Variants in PITPNC1 observed in about 807,000 individuals in gnomAD.
PITPNC1 encodes phosphatidylinositol transfer protein cytoplasmic 1, also known as cytoplasmic phosphatidylinositol transfer protein 1.
PITPNC1 carries 18 observed loss-of-function variants against 44.7 expected under a neutral mutation model. The ratio of observed to expected loss-of-function variants is 0.40; its 90% CI spans 0.28 to 0.60. The LOEUF (loss-of-function observed/expected upper bound fraction) is 0.60. Ranked by LOEUF, PITPNC1 falls within the 20% of genes least tolerant of loss-of-function variation. The pLI, the probability that PITPNC1 is intolerant of heterozygous loss-of-function variation, is 0.39. For missense variants in PITPNC1, 290 were observed against 418.4 expected, an observed-to-expected ratio of 0.69 and a Z score of 2.68; for synonymous variants, 141 against 149.6, an observed-to-expected ratio of 0.94 and a Z score of 0.42.
In PITPNC1 at chr17:67,552,250, C is replaced by T. The variant is rs551404991; in HGVS notation, c.198-7C>T. The T allele has an allele frequency of 3.2e-5, 48 of 1,506,846 alleles. 1 individual carries two copies. The South Asian group carries it at 5.1e-4, about 16-fold the overall frequency. The allele number at this position is 1,506,846 out of a possible 1,614,324, so 93.3% of individuals were successfully genotyped here. The stretch of plus-strand genomic sequence containing the variant: ...TCCAATTGTCTTTTTTCTTTCTTTC[C>T]TCTTAGCAAACTGCCTAGTTGGGCT... On this transcript the variant is annotated splice_region_variant and splice_polypyrimidine_tract_variant and intron_variant, in intron 2 of 8. Transcript: ENST00000581322.
chr17:67,575,795 C>T lies in PITPNC1; in HGVS notation c.295-2391C>T, dbSNP rs7210229. ...TTTCTTTCTTTCTTTTCTTTCTTTC[C>T]TTCTTTCTTTCTTTCTTTCTTTCTT... On this transcript the variant is annotated intron_variant, in intron 4 of 8. Transcript: ENST00000581322. Among the ~76,000 whole-genome samples the T allele has an allele frequency of 2.3e-3, 306 of 130,952 alleles. 3 individuals are homozygous for T. The highest frequency in any genetic ancestry group is 8.4e-3 in the African/African-American group (261 of 30,898). 85.9% of individuals were successfully genotyped at this position (130,952 alleles called of 152,430 possible).
intron 1 of PITPNC1, among the ~76,000 whole-genome samples, chr17:67,516,228 C>A (rs1305373585): frequency 6.6e-6 from 1 of 152,228 alleles, no homozygotes; most frequent in African/African-American, 2.4e-5. Flanking sequence ...GTGACATTTT[C>A]ATCCACCTAG....
chr17:67,487,301 A>G (rs535809898), intron 1 of PITPNC1, among the ~76,000 whole-genome samples: 2 of 151,864 alleles, frequency 1.3e-5, no homozygotes, highest in African/African-American at 4.8e-5. Context: ...CAGCCTCCTG[A>G]TTAGCTGGGA....
intron 1 of PITPNC1, among the ~76,000 whole-genome samples, chr17:67,430,517 G>A (rs1281115323): frequency 6.6e-6 from 1 of 151,842 alleles, no homozygotes; most frequent in Non-Finnish European, 1.5e-5. Context: ...AACTTAGAAT[G>A]TTGGCCAGTG....
intron 5 of PITPNC1, among the ~76,000 whole-genome samples, chr17:67,601,393 T>C (rs2041537881): frequency 6.6e-6 from 1 of 152,136 alleles, no homozygotes; most frequent in Admixed American, 6.6e-5. Context: ...TACAATGTTA[T>C]ACATTAACTT....
In PITPNC1 at chr17:67,377,820, G is replaced by T. The variant is rs903494266; in HGVS notation, c.-335G>T. On this transcript the variant is annotated 5_prime_UTR_variant, in exon 1 of 9. It removes the in-frame stop codon of an upstream open reading frame in the 5' UTR. Coordinates refer to ENST00000581322, the MANE Select transcript of PITPNC1 (RefSeq NM_012417.4). ...CCTCGCTCGCTGCCGGGCATGTCCTGATCTGGCGGCCGCTCCTACCACCCT... is the reference window on the plus strand; with the variant it reads ...CCTCGCTCGCTGCCGGGCATGTCCTTATCTGGCGGCCGCTCCTACCACCCT... The T allele has an allele frequency of 2.0e-5, 6 of 307,026 alleles. No individual in the cohort carries two copies. In the Admixed American group the frequency reaches 2.6e-4, roughly 13 times the overall value. The allele number at this position is 307,026 out of a possible 1,614,324, so 19.0% of individuals were successfully genotyped here.
chr17:67,575,045 G>T (rs1276456111), intron 4 of PITPNC1, among the ~76,000 whole-genome samples: 1 of 151,944 alleles, frequency 6.6e-6, no homozygotes, highest in Non-Finnish European at 1.5e-5. Context: ...CTAGCTAAGT[G>T]GTTTAGAGGT....
intron 1 of PITPNC1, among the ~76,000 whole-genome samples, chr17:67,507,474 C>T (rs1568018845): frequency 1.3e-5 from 2 of 151,996 alleles, no homozygotes; most frequent in African/African-American, 4.8e-5. Context: ...CACTTTAGGT[C>T]ACAAGTTCGA....
In PITPNC1 at chr17:67,494,185, T is replaced by TTTTCTTTCTTTCTTTC. The variant is rs1555657747; in HGVS notation, c.49-38601_49-38586dup. Among the ~76,000 whole-genome samples, 47 of 102,476 alleles carry TTTTCTTTCTTTCTTTC rather than the reference T, an allele frequency of 4.6e-4. 1 individual carries two copies. The highest frequency in any genetic ancestry group is 1.7e-3 in the African/African-American group (44 of 26,470). 67.2% of individuals were successfully genotyped at this position (102,476 alleles called of 152,430 possible). On this transcript the variant is annotated intron_variant, in intron 1 of 8. Transcript: ENST00000581322. ...CCTCTTTCTTTCTTTCTTTCTTTCT[T>TTTTCTTTCTTTCTTTC]TTTCTTTCTTTCTTTCTTTCTTTCT...
intron 1 of PITPNC1, among the ~76,000 whole-genome samples, chr17:67,487,935 A>G (rs1481111104): frequency 1.3e-5 from 2 of 152,222 alleles, no homozygotes; most frequent in African/African-American, 4.8e-5. Context: ...GGTTAGGACC[A>G]CTGATCAGAG....
At chr17:67,568,708 G>A (rs1040488701) in intron 4 of PITPNC1, among the ~76,000 whole-genome samples, 7 of 151,874 alleles carry the variant, frequency 4.6e-5, no homozygotes, top group African/African-American at 1.7e-4. Flanking sequence ...GAGTTTGGGG[G>A]TGGGCTCCCA....
chr17:67,601,594 A>AG (rs894540808), intron 5 of PITPNC1, among the ~76,000 whole-genome samples: 1 of 152,070 alleles, frequency 6.6e-6, no homozygotes, highest in African/African-American at 2.4e-5. Context: ...CTACAAAAAA[A>AG]AAATTAAAAA....
intron 1 of PITPNC1, among the ~76,000 whole-genome samples, chr17:67,394,145 T>C (rs2038179760): frequency 6.6e-6 from 1 of 152,038 alleles, no homozygotes; most frequent in African/African-American, 2.4e-5. Context: ...ACCCATCTTA[T>C]TTTTTAAAGA....
chr17:67,400,849 G>T (rs1037439311), intron 1 of PITPNC1, among the ~76,000 whole-genome samples: 8 of 151,338 alleles, frequency 5.3e-5, no homozygotes, highest in African/African-American at 1.9e-4. Context: ...TCCCTGTAGG[G>T]TCTAATCCTT....
chr17:67,389,948 G>A (rs1458468266), intron 1 of PITPNC1, among the ~76,000 whole-genome samples: 1 of 152,110 alleles, frequency 6.6e-6, no homozygotes, highest in African/African-American at 2.4e-5. Context: ...CAAAGTGCTG[G>A]GATTACAGAC....
intron 1 of PITPNC1, among the ~76,000 whole-genome samples, chr17:67,511,635 A>G (rs2040185999): frequency 6.6e-6 from 1 of 152,046 alleles, no homozygotes. Flanking sequence ...CAGCCTCCCG[A>G]GTAGCTGGGA....
chr17:67,688,413 T>C lies in PITPNC1; in HGVS notation c.683-4159T>C, dbSNP rs186927241. Among the ~76,000 whole-genome samples, 17 of 151,686 alleles carry C rather than the reference T, an allele frequency of 1.1e-4. 1 individual carries two copies. The East Asian group carries it at 3.3e-3, about 29-fold the overall frequency. ...TTGTCATAAATGGATCCTTTAGAAT[T>C]GTGAAGACCTTCTGATTGCACTTTG... On this transcript the variant is annotated intron_variant, in intron 8 of 8. Coordinates refer to ENST00000581322, the MANE Select transcript of PITPNC1 (RefSeq NM_012417.4).
intron 8 of PITPNC1, among the ~76,000 whole-genome samples, chr17:67,688,337 T>TAAAAAAAAAAAAAAAAAAAA (rs2042856531): frequency 9.8e-5 from 1 of 10,254 alleles, no homozygotes; most frequent in African/African-American, 6.5e-4. Context: ...AAATTCTGTC[T>TAAAAAAAAAAAAAAAAAAAA]CAAAAAAAAA....
At chr17:67,409,301 G>C (rs1222151900) in intron 1 of PITPNC1, among the ~76,000 whole-genome samples, 1 of 149,944 alleles carries the variant, frequency 6.7e-6, no homozygotes, top group Non-Finnish European at 1.5e-5. Context: ...AGCCAGGATG[G>C]TCTCGATCTC....
Sources: allele counts gnomAD v4.1 joint callset (sites outside exome capture counted in the v4.1 genomes callset), GRCh38; gene constraint gnomAD v4.1.1; transcripts MANE v1.5; gene names NCBI Gene and HGNC (gene_info 2026-07-23, HGNC 2026-07-21).